MGAM: variants seen among roughly 807,000 people sequenced by gnomAD.
MGAM encodes alpha-1,4-glucosidase.
A neutral mutation model predicts 358.8 loss-of-function variants in MGAM; 253 were observed. The ratio of observed to expected loss-of-function variants is 0.71; its 90% CI spans 0.64 to 0.78. The LOEUF is 0.78. MGAM is among the 30% of genes least tolerant of loss of function. The pLI, the probability that MGAM is intolerant of heterozygous loss-of-function variation, is 0.00. For missense variants in MGAM, 3,080 were observed against 3,432.6 expected (o/e 0.90, Z 2.57); for synonymous variants, 1,105 against 1,227.1 (o/e 0.90, Z 2.08).
intron 34 of MGAM, 23 bp downstream of exon 34, chr7:142,060,396 G>C: frequency 6.2e-7 from 1 of 1,612,888 alleles, no homozygotes; most frequent in Non-Finnish European, 8.5e-7. Flanking sequence ...TTGTAAATTT[G>C]GGTGGAGTCA....
At position 142,027,686 on chromosome 7, in the gene MGAM, A is replaced by C; in HGVS notation, c.1172A>C (p.Asp391Ala). ...AGTCGTTACGAATATGGAACCTTAG[A>C]CAACATGAGGGAAGTCGTGGAGAGA... ...HLSRYEYGTLDNMREVVERNR... is the reference protein window; with the variant it reads ...HLSRYEYGTLANMREVVERNR... The change falls in exon 10 of 71, where the codon GAC becomes GCC. Residue 391 changes from aspartate to alanine, a missense_variant. Physicochemically the swap from Asp to Ala is moderately radical, Grantham distance 126. Coordinates refer to ENST00000475668, the MANE Select transcript of MGAM (RefSeq NM_001365693.1). The C allele has an allele frequency of 6.2e-7, 1 of 1,613,602 alleles. No individual in the cohort carries two copies. Among genetic ancestry groups the C allele is most frequent in the Non-Finnish European group, 8.5e-7 (1 of 1,179,662 alleles).
At chr7:142,018,229 C>A (rs1204981617) in intron 3 of MGAM, among the ~76,000 whole-genome samples, 1 of 152,140 alleles carries the variant, frequency 6.6e-6, no homozygotes, top group African/African-American at 2.4e-5. Context: ...CTCACTCATG[C>A]AATTGTTGGT....
chr7:142,041,828 G>C (rs1289557095), intron 21 of MGAM, among the ~76,000 whole-genome samples: 2 of 132,114 alleles, frequency 1.5e-5, no homozygotes, highest in Non-Finnish European at 3.1e-5. Context: ...TTCCAGCAGA[G>C]GAAGCACTGC....
intron 13 of MGAM, 128 bp from the exon 14 acceptor site, chr7:142,032,697 C>G: frequency 1.7e-6 from 1 of 593,262 alleles, no homozygotes; most frequent in Non-Finnish European, 2.9e-6. Flanking sequence ...CTACTCTATT[C>G]CATTTATACA....
At chr7:142,068,294 G>A (rs1284482276) in intron 42 of MGAM, among the ~76,000 whole-genome samples, 1 of 142,338 alleles carries the variant, frequency 7.0e-6, no homozygotes. Flanking sequence ...ATCGCGCCCG[G>A]CCCCAAAATC....
At chr7:142,002,201 GA>G (rs1442783295) in intron 1 of MGAM, among the ~76,000 whole-genome samples, 2 of 152,074 alleles carry the variant, frequency 1.3e-5, no homozygotes, top group African/African-American at 4.8e-5. Flanking sequence ...TGACTCACTT[GA>G]AAATGACTTT....
chr7:142,091,404 A>T (rs1815374115), intron 57 of MGAM, among the ~76,000 whole-genome samples: 1 of 146,390 alleles, frequency 6.8e-6, no homozygotes, highest in Non-Finnish European at 1.5e-5. Context: ...TGTAGTTGTC[A>T]TGTGATTCTG....
Position 142,066,714 on chromosome 7 carries a change from C to A in MGAM, c.4912C>A (p.Leu1638Ile). 6.4e-7 allele frequency: 1 copy of A among 1,554,622 alleles called. No individual in the cohort carries two copies. Among genetic ancestry groups the A allele is most frequent in the African/African-American group, 1.3e-5 (1 of 74,538 alleles). The change falls in exon 41 of 71, where the codon CTC becomes ATC. Residue 1638 changes from leucine to isoleucine, a missense_variant. Coordinates refer to ENST00000475668, the MANE Select transcript of MGAM (RefSeq NM_001365693.1). The stretch of plus-strand genomic sequence containing the variant: ...GGGCGTCACTGTTGTGCGGCCTCTG[C>A]TCCATGAGTGAGTGTCCAGCAGGGA... ...TEGVTVVRPL[L>I]HEFVSDQVTW...
chr7:142,072,286 C>G (rs1813407732), intron 44 of MGAM, among the ~76,000 whole-genome samples: 1 of 145,960 alleles, frequency 6.9e-6, no homozygotes, highest in African/African-American at 2.4e-5. Flanking sequence ...CTGGCGATTT[C>G]CCAAACATAC....
chr7:142,098,257 T>C (rs1046642411), intron 66 of MGAM, among the ~76,000 whole-genome samples: 2 of 152,046 alleles, frequency 1.3e-5, no homozygotes, highest in African/African-American at 2.4e-5. Context: ...TCTGTGCTAT[T>C]ATGTTCCCCA....
At position 142,038,457 on chromosome 7, in the gene MGAM, G is replaced by T; in HGVS notation, c.2232-74G>T. Reference sequence around the variant, plus strand: ...ACGGCCTGCATGCTTTCAACAGGTTGTGTGTGAGTAGAGCTGCTACAAATC... The same window carrying T: ...ACGGCCTGCATGCTTTCAACAGGTTTTGTGTGAGTAGAGCTGCTACAAATC... On this transcript the variant is annotated intron_variant, in intron 18 of 70. Transcript: ENST00000475668. 2.6e-6 allele frequency: 3 copies of T among 1,149,754 alleles called. No homozygotes were observed. In the South Asian group the frequency reaches 4.3e-5, roughly 16 times the overall value. The allele number at this position is 1,149,754 out of a possible 1,614,324, so 71.2% of individuals were successfully genotyped here.
In MGAM at chr7:142,071,087, T is replaced by C; in HGVS notation, c.5155T>C (p.Trp1719Arg). The part of the protein sequence containing the change: ...LHVRGGYILP[W>R]QEPALNTHLS... ...TGTCCGTGGGGGCTACATCCTGCCC[T>C]GGCAAGAGCCTGCACTGAACACCCA... is the stretch of plus-strand genomic sequence containing the variant. The change falls in exon 44 of 71, where the codon TGG (tryptophan) becomes CGG (arginine). Residue 1719 changes from tryptophan to arginine, a missense_variant. Trp to Arg is a moderately radical substitution (Grantham distance 101). Coordinates refer to ENST00000475668, the MANE Select transcript of MGAM (RefSeq NM_001365693.1). 6.4e-7 allele frequency: 1 copy of C among 1,556,344 alleles called. No individual in the cohort carries two copies. Among genetic ancestry groups the C allele is most frequent in the Non-Finnish European group, 8.8e-7 (1 of 1,132,542 alleles).
chr7:142,041,938 T>TTA (rs1554468861), intron 21 of MGAM, among the ~76,000 whole-genome samples: 2 of 18,220 alleles, frequency 1.1e-4, no homozygotes, highest in African/African-American at 3.3e-4. Flanking sequence ...AATATATATA[T>TTA]TATATATATA....
chr7:141,986,826 G>A (rs1195760473), intron 2 of MGAM, among the ~76,000 whole-genome samples: 5 of 152,080 alleles, frequency 3.3e-5, no homozygotes, highest in Admixed American at 3.3e-4. Flanking sequence ...CTCTCAATAT[G>A]CCACCACATA....
intron 1 of MGAM, among the ~76,000 whole-genome samples, chr7:141,997,266 T>A (rs1804324346): frequency 6.6e-6 from 1 of 152,072 alleles, no homozygotes; most frequent in African/African-American, 2.4e-5. Flanking sequence ...GTCTGTGTCC[T>A]GGTGTGGGAC....
intron 21 of MGAM, among the ~76,000 whole-genome samples, chr7:142,043,086 A>G (rs1398861917): frequency 1.0e-4 from 5 of 49,028 alleles, no homozygotes; most frequent in Non-Finnish European, 1.3e-4. Flanking sequence ...TAAATATAAT[A>G]TATATATTAT....
chr7:142,051,779 A>C (rs1371373142), intron 24 of MGAM, among the ~76,000 whole-genome samples: 1 of 152,166 alleles, frequency 6.6e-6, no homozygotes, highest in Non-Finnish European at 1.5e-5. Flanking sequence ...TAACCCATAA[A>C]TATGCATACC....
At chr7:142,049,640 C>T (rs528327690) in intron 22 of MGAM, among the ~76,000 whole-genome samples, 1 of 152,050 alleles carries the variant, frequency 6.6e-6, no homozygotes, top group Non-Finnish European at 1.5e-5. Context: ...GGGTGAAGGA[C>T]CTGAACAGAT....
chr7:142,008,943 T>C (rs1176547179), intron 3 of MGAM, among the ~76,000 whole-genome samples: 4 of 152,048 alleles, frequency 2.6e-5, no homozygotes, highest in Non-Finnish European at 5.9e-5. Context: ...AAAAGTGCGG[T>C]TGCCCAGCCA....
Sources: gnomAD v4.1 joint callset for allele counts (sites outside exome capture counted in the v4.1 genomes callset) on GRCh38, gnomAD v4.1.1 for gene constraint, MANE v1.5 for transcripts, NCBI Gene and HGNC (gene_info 2026-07-23, HGNC 2026-07-21) for gene names.